The following ERRFI1 variants were observed in gnomAD, a reference collection of about 807,000 sequenced individuals.
The protein encoded by ERRFI1 is mitogen-inducible gene 6 protein.
A neutral mutation model predicts 14.6 loss-of-function variants in ERRFI1; 12 were observed. The observed-to-expected ratio is 0.82, with a 90% CI of 0.53 to 1.33. ERRFI1 has a LOEUF of 1.33. Ranked by LOEUF, ERRFI1 falls within the 40% of genes most tolerant of loss-of-function variation. The pLI, the probability that ERRFI1 is intolerant of heterozygous loss-of-function variation, is 0.00. For missense variants in ERRFI1, 482 were observed against 572.1 expected (o/e 0.84, Z 1.61); for synonymous variants, 202 against 209.9 (o/e 0.96, Z 0.32).
intron 1 of ERRFI1, among the ~76,000 whole-genome samples, chr1:8,016,437 C>T (rs1641174918): frequency 6.6e-6 from 1 of 152,198 alleles, no homozygotes; most frequent in African/African-American, 2.4e-5. Flanking sequence ...TTTACATCCT[C>T]CTTTGTGAAA....
intron 1 of ERRFI1, among the ~76,000 whole-genome samples, chr1:8,023,015 ATT>A (rs1222893322): frequency 2.6e-5 from 4 of 152,142 alleles, no homozygotes; most frequent in African/African-American, 4.8e-5. Context: ...AGGAGCATAT[ATT>A]TACACAGGTG....
rs762673043 is a variant in ERRFI1 at position 8,014,280 on chromosome 1, C to T, written c.319G>A (p.Glu107Lys). The change falls in exon 4 of 4, where the codon GAA becomes AAA. Residue 107 changes from glutamate (E) to lysine (K), a missense_variant. By Grantham distance (56) the Glu-to-Lys change is moderately conservative. Coordinates refer to ENST00000377482, the MANE Select transcript of ERRFI1 (RefSeq NM_018948.4). ...IPPSENLGPH[E>K]EDQVVCGFKK... ...AAACCACATACAACTTGATCCTCTT[C>T]ATGTGGTCCCAAGTTTTCACTTGGG... 1.2e-6 allele frequency: 2 copies of T among 1,614,160 alleles called. No individual in the cohort carries two copies. Among genetic ancestry groups the T allele is most frequent in the Non-Finnish European group, 1.7e-6 (2 of 1,180,004 alleles).
At position 8,012,799 on chromosome 1, in the gene ERRFI1, T is replaced by C; in HGVS notation, c.*411A>G. On this transcript the variant is annotated 3_prime_UTR_variant, in exon 4 of 4. Transcript: ENST00000377482. ...CAATACTGTATCTTCTTCCATTTGCTCAATTTTCAGTCTATCAGGACTCAT... is the reference window on the plus strand; with the variant it reads ...CAATACTGTATCTTCTTCCATTTGCCCAATTTTCAGTCTATCAGGACTCAT... The C allele has an allele frequency of 4.1e-6, 1 of 242,868 alleles. No individual in the cohort carries two copies. The highest frequency in any genetic ancestry group is 8.1e-6 in the Non-Finnish European group (1 of 123,446). The allele number at this position is 242,868 out of a possible 1,614,324, so 15.0% of individuals were successfully genotyped here. A position where few individuals can be genotyped will look rare whatever the true frequency, so the allele number is the denominator to read the frequency against.
chr1:8,016,103 TAA>T (rs1019549127), intron 1 of ERRFI1, among the ~76,000 whole-genome samples: 3 of 152,136 alleles, frequency 2.0e-5, no homozygotes, highest in African/African-American at 7.2e-5. Context: ...TTTCCCAAGC[TAA>T]AAAAGTAATT....
chr1:8,023,569 G>A (rs1641301924), intron 1 of ERRFI1, among the ~76,000 whole-genome samples: 2 of 152,040 alleles, frequency 1.3e-5, no homozygotes, highest in African/African-American at 2.4e-5. Flanking sequence ...CTGAGCCACT[G>A]AGCCCGGCCA....
chr1:8,019,807 A>C (rs1482526808), intron 1 of ERRFI1, among the ~76,000 whole-genome samples: 1 of 152,198 alleles, frequency 6.6e-6, no homozygotes, highest in African/African-American at 2.4e-5. Flanking sequence ...AGACTGAGTA[A>C]AAATTATAAG....
At chr1:8,021,186 G>A (rs1641270091) in intron 1 of ERRFI1, among the ~76,000 whole-genome samples, 1 of 152,132 alleles carries the variant, frequency 6.6e-6, no homozygotes, top group African/African-American at 2.4e-5. Flanking sequence ...AGAGGCAACA[G>A]AGAAAATAAT....
chr1:8,014,403 T>A lies in ERRFI1; in HGVS notation c.203-7A>T. 3 of 1,550,666 alleles carry A rather than the reference T, an allele frequency of 1.9e-6. No individual in the cohort carries two copies. Among genetic ancestry groups the A allele is most frequent in the East Asian group, 2.3e-5 (1 of 44,318 alleles). On this transcript the variant is annotated splice_region_variant and splice_polypyrimidine_tract_variant and intron_variant, in intron 3 of 3. Transcript: ENST00000377482. ...GCAGATTTGGAAGCATGCCCTGGAA[T>A]GAACGAGAGATATTAATAAAAGATC...
At chr1:8,025,014 G>C (rs1641324311) in intron 1 of ERRFI1, among the ~76,000 whole-genome samples, 1 of 152,086 alleles carries the variant, frequency 6.6e-6, no homozygotes, top group Non-Finnish European at 1.5e-5. Flanking sequence ...TTTATAAAAG[G>C]TTGAACATTT....
chr1:8,011,763 GAC>G lies in ERRFI1; in HGVS notation c.*1445_*1446del, dbSNP rs1370176155. ...TATTATAACTTTATTAAAATGAAAA[GAC>G]AATATTCAAAATAATGCAACAAAAT... is the stretch of plus-strand genomic sequence containing the variant. On this transcript the variant is annotated 3_prime_UTR_variant, in exon 4 of 4. Transcript: ENST00000377482. 4 of 195,594 alleles carry G rather than the reference GAC, an allele frequency of 2.0e-5. No homozygotes were observed. The highest frequency in any genetic ancestry group is 4.3e-5 in the Non-Finnish European group (4 of 93,940). The allele number at this position is 195,594 out of a possible 1,614,324, so 12.1% of individuals were successfully genotyped here. A position where few individuals can be genotyped will look rare whatever the true frequency, so the allele number is the denominator to read the frequency against.
chr1:8,024,503 G>T (rs1258092100), intron 1 of ERRFI1, among the ~76,000 whole-genome samples: 1 of 152,188 alleles, frequency 6.6e-6, no homozygotes, highest in Non-Finnish European at 1.5e-5. Context: ...TATGTGCAAG[G>T]CTGCATAAGA....
At position 8,012,655 on chromosome 1, in the gene ERRFI1, C is replaced by T. The variant is rs1170355603; in HGVS notation, c.*555G>A. ...TACACCCATGGTAAAGAATGGATAC[C>T]CTGCCCTCCATGGAAAAGATTGCCT... On this transcript the variant is annotated 3_prime_UTR_variant, in exon 4 of 4. Transcript: ENST00000377482. 4 of 229,332 alleles carry T rather than the reference C, an allele frequency of 1.7e-5. No homozygotes were observed. Among genetic ancestry groups the T allele is most frequent in the Non-Finnish European group, 2.6e-5 (3 of 115,804 alleles). 14.2% of individuals were successfully genotyped at this position (229,332 alleles called of 1,614,324 possible). A position where few individuals can be genotyped will look rare whatever the true frequency, so the allele number is the denominator to read the frequency against.
Position 8,013,538 on chromosome 1 carries a change from G to C in ERRFI1, c.1061C>G (p.Pro354Arg), listed in dbSNP as rs762872025. 1.1e-5 allele frequency: 18 copies of C among 1,614,150 alleles called. No homozygotes were observed. The highest frequency in any genetic ancestry group is 1.5e-5 in the Non-Finnish European group (18 of 1,180,048). Residue 354 changes from proline to arginine, a missense_variant, in exon 4 of 4, where the codon CCT (proline) becomes CGT (arginine). Physicochemically the swap from Pro to Arg is moderately radical, Grantham distance 103. Coordinates refer to ENST00000377482, the MANE Select transcript of ERRFI1 (RefSeq NM_018948.4). The surrounding 1 kb of genome is among the most constrained non-coding windows in gnomAD (Gnocchi z 4.3). ...TTTGCTGCTGACATACTTGGGATCA[G>C]GGGCAAAGCTCTGTGTCGGGGGCAT... ...GVMPPTQSFA[P>R]DPKYVSSKAL...
At chr1:8,017,137 A>AT (rs1641187255) in intron 1 of ERRFI1, among the ~76,000 whole-genome samples, 1 of 147,378 alleles carries the variant, frequency 6.8e-6, no homozygotes, top group African/African-American at 2.4e-5. Flanking sequence ...TGTAAGGCAC[A>AT]GGGTTTTTTT....
Position 8,013,035 on chromosome 1 carries a change from C to G in ERRFI1, c.*175G>C, listed in dbSNP as rs1641109319. On this transcript the variant is annotated 3_prime_UTR_variant, in exon 4 of 4. Transcript: ENST00000377482. This position sits in a 1 kb window ranked among gnomAD's most constrained non-coding sequence, Gnocchi z 4.3. Reference sequence around the variant, plus strand: ...GACTTTTTTCCAACACTAACAAAGTCAGGGTTTCTCAGCATAACAGCATCT... The same window carrying G: ...GACTTTTTTCCAACACTAACAAAGTGAGGGTTTCTCAGCATAACAGCATCT... 5.1e-6 allele frequency: 3 copies of G among 590,624 alleles called. No homozygotes were observed. In the South Asian group the frequency reaches 8.0e-5, roughly 16 times the overall value. 36.6% of individuals were successfully genotyped at this position (590,624 alleles called of 1,614,324 possible). A position where few individuals can be genotyped will look rare whatever the true frequency, so the allele number is the denominator to read the frequency against.
At position 8,012,553 on chromosome 1, in the gene ERRFI1, T is replaced by G. The variant is rs1412717732; in HGVS notation, c.*657A>C. On this transcript the variant is annotated 3_prime_UTR_variant, in exon 4 of 4. Transcript: ENST00000377482. The stretch of plus-strand genomic sequence containing the variant: ...GTGACAATATGGTTGCCAAGTAACC[T>G]GCTCTCCCTCCCTCAACAAGACGCA... 1 of 225,264 alleles carries G rather than the reference T, an allele frequency of 4.4e-6. No individual in the cohort carries two copies. Among genetic ancestry groups the G allele is most frequent in the Non-Finnish European group, 8.9e-6 (1 of 112,906 alleles). The allele number at this position is 225,264 out of a possible 1,614,324, so 14.0% of individuals were successfully genotyped here. A position where few individuals can be genotyped will look rare whatever the true frequency, so the allele number is the denominator to read the frequency against.
rs36053481 is a variant in ERRFI1, at chr1:8,020,552, ATTTTTT to A, written c.-73-4866_-73-4861del. On this transcript the variant is annotated intron_variant, in intron 1 of 3. Transcript: ENST00000377482. The stretch of plus-strand genomic sequence containing the variant: ...CAAACAAACAAACAAAAAAACACCA[ATTTTTT>A]TTTTTTTTTTTTGAGACGGAGTCTT... 3.7e-5 allele frequency among the ~76,000 whole-genome samples: 5 copies of A among 134,176 alleles called. No homozygotes were observed. The Admixed American group carries it at 3.8e-4, about 10-fold the overall frequency. The allele number at this position is 134,176 out of a possible 152,430, so 88.0% of individuals were successfully genotyped here. A position where few individuals can be genotyped will look rare whatever the true frequency, so the allele number is the denominator to read the frequency against.
rs372669618 is a variant in ERRFI1 at position 8,014,157 on chromosome 1, G to A, written c.442C>T (p.Arg148Trp). 54 of 1,614,008 alleles carry A rather than the reference G, an allele frequency of 3.3e-5. No individual in the cohort carries two copies. The highest frequency in any genetic ancestry group is 4.4e-5 in the South Asian group (4 of 91,084). The change falls in exon 4 of 4, where the codon CGG becomes TGG. Residue 148 changes from arginine (R) to tryptophan (W), a missense_variant. Transcript: ENST00000377482. ...AACGGTGGAAGAGGCCTAGAACCCC[G>A]TTCACAAAGAGGGGCACAGGGGAAA... Reference protein sequence around the residue: ...SLFPCAPLCERGSRPLPPLPI... With the variant: ...SLFPCAPLCEWGSRPLPPLPI...
intron 1 of ERRFI1, among the ~76,000 whole-genome samples, chr1:8,022,612 AC>A (rs950923666): frequency 6.6e-6 from 1 of 152,002 alleles, no homozygotes; most frequent in Non-Finnish European, 1.5e-5. Context: ...CTACCTCTCC[AC>A]TCTATAGTAT....
Sources: gnomAD v4.1 joint callset for allele counts (sites outside exome capture counted in the v4.1 genomes callset) on GRCh38, gnomAD v4.1.1 for gene constraint, Gnocchi (gnomAD v3.1) non-coding constraint, MANE v1.5 for transcripts, NCBI Gene and HGNC (gene_info 2026-07-23, HGNC 2026-07-21) for gene names.